Variants in TOX observed in about 807,000 individuals in gnomAD.
The protein encoded by TOX is thymocyte selection-associated high mobility group box protein TOX.
Under a neutral mutation model 53.7 loss-of-function variants are expected in TOX, and 11 were observed. The observed-to-expected ratio is 0.20, with a 90% CI of 0.13 to 0.34. The LOEUF (loss-of-function observed/expected upper bound fraction) is 0.34, where lower values mean the gene tolerates loss of function less well. Ranked by LOEUF, TOX falls within the 10% of genes least tolerant of loss-of-function variation. The pLI, the probability that TOX is intolerant of heterozygous loss-of-function variation, is 1.00. For synonymous variants in TOX, 225 were observed against 245.3 expected (o/e 0.92, Z 0.77); for missense variants, 570 against 664.6 (o/e 0.86, Z 1.56).
At chr8:58,883,724 TG>T (rs996082344) in intron 3 of TOX, among the ~76,000 whole-genome samples, 10 of 151,840 alleles carry the variant, frequency 6.6e-5, no homozygotes, top group South Asian at 2.1e-4. Context: ...TTCATTCGTA[TG>T]TTTTTTTTTT....
chr8:59,097,111 G>A (rs1279794446), intron 1 of TOX, among the ~76,000 whole-genome samples: 1 of 152,152 alleles, frequency 6.6e-6, no homozygotes. Flanking sequence ...ACGTGATCAG[G>A]AAGTCTGCTA....
chr8:58,943,283 C>T (rs1004365301), intron 2 of TOX, among the ~76,000 whole-genome samples: 12 of 152,164 alleles, frequency 7.9e-5, no homozygotes, highest in Admixed American at 2.6e-4. Context: ...AAGGAAGTCA[C>T]AGCAGCAGTT....
intron 3 of TOX, among the ~76,000 whole-genome samples, chr8:58,881,341 T>G (rs1482221425): frequency 6.6e-6 from 1 of 152,120 alleles, no homozygotes; most frequent in Non-Finnish European, 1.5e-5. Context: ...AAAAAGAATT[T>G]CGTGGATTTT....
At chr8:58,869,185 C>T (rs1018536405) in intron 3 of TOX, among the ~76,000 whole-genome samples, 5 of 147,948 alleles carry the variant, frequency 3.4e-5, no homozygotes, top group African/African-American at 1.3e-4. Flanking sequence ...TGAGATTGCA[C>T]CACTGCACTC....
chr8:59,068,002 G>A (rs1377703097), intron 1 of TOX, among the ~76,000 whole-genome samples: 1 of 152,176 alleles, frequency 6.6e-6, no homozygotes, highest in Admixed American at 6.5e-5. Flanking sequence ...AAAGTAACTT[G>A]TGAATATTAG....
intron 2 of TOX, among the ~76,000 whole-genome samples, chr8:58,940,868 A>G (rs1223705159): frequency 6.6e-6 from 1 of 152,178 alleles, no homozygotes; most frequent in Non-Finnish European, 1.5e-5. Context: ...ATGTTGTACA[A>G]GTTTTGATAT....
intron 3 of TOX, among the ~76,000 whole-genome samples, chr8:58,892,211 C>A (rs1045183295): frequency 2.0e-5 from 3 of 152,112 alleles, no homozygotes; most frequent in Admixed American, 6.5e-5. Flanking sequence ...CTCAGCATTT[C>A]TTTATTTTAT....
intron 1 of TOX, among the ~76,000 whole-genome samples, chr8:59,063,931 C>T (rs995469968): frequency 1.3e-5 from 2 of 151,572 alleles, no homozygotes; most frequent in South Asian, 2.1e-4. Context: ...TGTGTGTGTT[C>T]GTGTGTGTAT....
intron 1 of TOX, among the ~76,000 whole-genome samples, chr8:58,984,708 G>A (rs1446454073): frequency 2.0e-5 from 3 of 150,276 alleles, no homozygotes; most frequent in Non-Finnish European, 4.4e-5. Flanking sequence ...GCGTGAACCC[G>A]GGAGGCGGAG....
At chr8:58,998,528 T>A (rs1430186727) in intron 1 of TOX, among the ~76,000 whole-genome samples, 1,158 of 50,664 alleles carry the variant, frequency 0.023, 19 homozygotes, top group Non-Finnish European at 0.038. Flanking sequence ...TATATATATA[T>A]ATATATATAT....
chr8:58,991,709 G>A, intron 1 of TOX: 1 of 152,198 alleles, frequency 6.6e-6, no homozygotes, highest in Non-Finnish European at 1.5e-5. Flanking sequence ...AAAGAAATGT[G>A]CTAGACAATA....
rs1473172476 is a variant in TOX at position 59,005,077 on chromosome 8, C to T, written c.103-45069G>A. Among the ~76,000 whole-genome samples, 7 of 151,036 alleles carry T rather than the reference C, an allele frequency of 4.6e-5. No individual in the cohort carries two copies. In the East Asian group the frequency reaches 7.8e-4, roughly 17 times the overall value. On this transcript the variant is annotated intron_variant, in intron 1 of 8. Transcript: ENST00000361421. ...TTTTTGAGACAGACTCTCGCTCTGT[C>T]GCCCAGGCTAGAGTGCAGTGGCACG...
intron 1 of TOX, among the ~76,000 whole-genome samples, chr8:59,040,395 T>C (rs1354997691): frequency 2.7e-5 from 4 of 150,848 alleles, no homozygotes; most frequent in Admixed American, 2.0e-4. Context: ...GAGATGGAAT[T>C]TGCTATCTTA....
At chr8:58,867,742 G>A (rs752510523) in intron 3 of TOX, among the ~76,000 whole-genome samples, 1 of 152,170 alleles carries the variant, frequency 6.6e-6, no homozygotes, top group Non-Finnish European at 1.5e-5. Flanking sequence ...AGTTTGAGCA[G>A]CAGGGCACGA....
chr8:58,953,863 T>C (rs1038937356), intron 2 of TOX, among the ~76,000 whole-genome samples: 3 of 152,184 alleles, frequency 2.0e-5, no homozygotes, highest in African/African-American at 7.2e-5. Flanking sequence ...AAGATACCTT[T>C]TTTTTTTGAA....
intron 3 of TOX, among the ~76,000 whole-genome samples, chr8:58,911,359 T>C (rs1255493087): frequency 6.6e-6 from 1 of 152,220 alleles, no homozygotes; most frequent in Admixed American, 6.5e-5. Flanking sequence ...TATCTACATA[T>C]AATTGGAAAT....
At chr8:58,989,518 T>C (rs1056018409) in intron 1 of TOX, among the ~76,000 whole-genome samples, 3 of 152,160 alleles carry the variant, frequency 2.0e-5, no homozygotes, top group African/African-American at 7.2e-5. Flanking sequence ...GCTTTACACA[T>C]TTTTGCCTTG....
chr8:58,969,220 A>T (rs1423140587), intron 1 of TOX, among the ~76,000 whole-genome samples: 3 of 152,168 alleles, frequency 2.0e-5, no homozygotes, highest in South Asian at 4.1e-4. Flanking sequence ...GAACTACTCC[A>T]TTTTTTAAGA....
At chr8:59,094,478 A>G (rs1228995342) in intron 1 of TOX, among the ~76,000 whole-genome samples, 1 of 152,132 alleles carries the variant, frequency 6.6e-6, no homozygotes, top group Non-Finnish European at 1.5e-5. Flanking sequence ...TCTCCACTAA[A>G]AATACAAAAA....
Sources: allele counts gnomAD v4.1 joint callset (sites outside exome capture counted in the v4.1 genomes callset), GRCh38; gene constraint gnomAD v4.1.1; transcripts MANE v1.5; gene names NCBI Gene and HGNC (gene_info 2026-07-23, HGNC 2026-07-21).